The following CEP290 variants were observed in gnomAD, a reference collection of about 807,000 sequenced individuals.
CEP290 encodes the protein centrosomal protein 290.
Under a neutral mutation model 344.9 loss-of-function variants are expected in CEP290, and 317 were observed. The observed-to-expected ratio is 0.92, with a 90% confidence interval of 0.84 to 1.01. The LOEUF is 1.01. Ranked by LOEUF, CEP290 falls within the 50% of genes least tolerant of loss-of-function variation. CEP290 has a pLI of 0.00. For missense variants in CEP290, 2,754 were observed against 2,761.4 expected (o/e 1.00, Z 0.06); for synonymous variants, 932 against 895.8 (o/e 1.04, Z -0.72).
intron 52 of CEP290, among the ~76,000 whole-genome samples, chr12:88,053,268 C>A (rs368617253): frequency 6.6e-6 from 1 of 151,538 alleles, no homozygotes; most frequent in African/African-American, 2.4e-5. Flanking sequence ...ACTTTGTAAA[C>A]GGAAAAAAAT....
Position 88,120,254 on chromosome 12 carries a change from G to A in CEP290, c.1382C>T (p.Ala461Val), listed in dbSNP as rs1247193378. ...TTTACAATTCTTTATTTCAACGACA[G>A]CATCTTCTAAACCATATACTCCCTG... ...YESGVYGLED[A>V]VVEIKNCKNQ... The change falls in exon 15 of 54, where the codon GCT (alanine) becomes GTT (valine). Residue 461 changes from alanine (A) to valine (V), a missense_variant. Ala to Val is a moderately conservative substitution (Grantham distance 64). Coordinates refer to ENST00000552810, the MANE Select transcript of CEP290 (RefSeq NM_025114.4). 7 of 1,454,120 alleles carry A rather than the reference G, an allele frequency of 4.8e-6. No individual in the cohort carries two copies. In the East Asian group the frequency reaches 7.5e-5, roughly 16 times the overall value. 90.1% of individuals were successfully genotyped at this position (1,454,120 alleles called of 1,614,324 possible).
At chr12:88,065,600 T>C (rs1261195282) in intron 44 of CEP290, among the ~76,000 whole-genome samples, 8 of 152,324 alleles carry the variant, frequency 5.3e-5, no homozygotes, top group Middle Eastern at 6.8e-3. Context: ...TGAGCTCTTC[T>C]ATCTCCCAAA....
In CEP290 at chr12:88,054,277, T is replaced by C. The variant is rs986528414; in HGVS notation, c.7034+63A>G. On this transcript the variant is annotated intron_variant, in intron 51 of 53. Transcript: ENST00000552810. Reference sequence around the variant, plus strand: ...TCTAGTTGTAGCAATTCGGAGTATATAAAAACTAATAATTTTTTTTTTAAA... The same window carrying C: ...TCTAGTTGTAGCAATTCGGAGTATACAAAAACTAATAATTTTTTTTTTAAA... 7.2e-6 allele frequency: 8 copies of C among 1,104,426 alleles called. No individual in the cohort carries two copies. In the Admixed American group the frequency reaches 9.8e-5, roughly 14 times the overall value. 68.4% of individuals were successfully genotyped at this position (1,104,426 alleles called of 1,614,324 possible). A position where few individuals can be genotyped will look rare whatever the true frequency, so the allele number is the denominator to read the frequency against.
intron 29 of CEP290, among the ~76,000 whole-genome samples, chr12:88,091,666 T>A (rs1403693654): frequency 6.6e-6 from 1 of 152,096 alleles, no homozygotes; most frequent in South Asian, 2.1e-4. Flanking sequence ...GAAGAAAGGA[T>A]CAATTTTTTT....
chr12:88,118,622 TC>T lies in CEP290; in HGVS notation c.1623+20del. 1 of 1,611,276 alleles carries T rather than the reference TC, an allele frequency of 6.2e-7. No homozygotes were observed. The highest frequency in any genetic ancestry group is 1.1e-5 in the South Asian group (1 of 91,024). On this transcript the variant is annotated intron_variant, in intron 16 of 53. Transcript: ENST00000552810. ...CTCTATAGTTCAGCCAAGAAAATAA[TC>T]AACTGACTACCACACTTGCCTCTTT...
At chr12:88,063,872 T>C in intron 45 of CEP290, 109 bp downstream of exon 45, 1 of 862,394 alleles carries the variant, frequency 1.2e-6, no homozygotes, top group Admixed American at 3.1e-5. Context: ...CACCATGATA[T>C]ATTAGGAATA....
At chr12:88,117,251 A>G in intron 17 of CEP290, 106 bp from the exon 18 acceptor site, 1 of 594,944 alleles carries the variant, frequency 1.7e-6, no homozygotes, top group Non-Finnish European at 2.9e-6. Context: ...CAAAGGTAGA[A>G]TAATTGTTTC....
chr12:88,111,652 T>C (rs745459136), intron 21 of CEP290, 42 bp downstream of exon 21: 2 of 1,486,140 alleles, frequency 1.3e-6, no homozygotes. Flanking sequence ...TAAATCTACA[T>C]TCTTATGTTT....
rs188502327 is a variant in CEP290 at position 88,087,886 on chromosome 12, C to T, written c.4088G>A (p.Arg1363Gln). 2.6e-4 allele frequency: 314 copies of T among 1,227,678 alleles called. No individual in the cohort carries two copies. The highest frequency in any genetic ancestry group is 3.1e-4 in the Non-Finnish European group (298 of 959,078). 76.0% of individuals were successfully genotyped at this position (1,227,678 alleles called of 1,614,324 possible). Residue 1363 changes from arginine (R) to glutamine (Q), a missense_variant, in exon 32 of 54, where the codon CGG becomes CAG. Arg to Gln is a conservative substitution (Grantham distance 43). Transcript: ENST00000552810. ...TTCTTCTTTATCCTTGACTAATTCC[C>T]GATTTAGTTTAAGTTCTTGAAGACG... ...ELRLQELKLNRELVKDKEEIK... is the reference protein window; with the variant it reads ...ELRLQELKLNQELVKDKEEIK...
Position 88,080,310 on chromosome 12 carries a change from C to A in CEP290, c.5098G>T (p.Glu1700Ter). The A allele has an allele frequency of 6.2e-7, 1 of 1,613,702 alleles. No individual in the cohort carries two copies. The highest frequency in any genetic ancestry group is 8.5e-7 in the Non-Finnish European group (1 of 1,179,680). Residue 1700 changes from glutamate to a stop codon, truncating the protein, a stop_gained, in exon 38 of 54, where the codon GAG becomes TAG. Coordinates refer to ENST00000552810, the MANE Select transcript of CEP290 (RefSeq NM_025114.4). LOFTEE classifies it high-confidence loss of function. ...LKYLLDQSQK[E>*]SQCLKSELQA... ...AGTTCAGATTTTAAACACTGTGACTCCTTTTGTGACTGGTCCAGAAGATAC... is the reference window on the plus strand; with the variant it reads ...AGTTCAGATTTTAAACACTGTGACTACTTTTGTGACTGGTCCAGAAGATAC...
intron 37 of CEP290, among the ~76,000 whole-genome samples, chr12:88,082,433 C>T (rs2036261870): frequency 1.3e-5 from 2 of 152,176 alleles, no homozygotes; most frequent in African/African-American, 4.8e-5. Context: ...TGGCTCAGGC[C>T]TGTAATCCCA....
rs887505920 is a variant in CEP290, at chr12:88,060,825, A to T, written c.6522+5T>A. On this transcript the variant is annotated splice_donor_5th_base_variant and intron_variant, in intron 47 of 53. Transcript: ENST00000552810. ...CCTAAAAATGATCACATTAAAAAAA[A>T]TTACCTTCAATTTTTCATTTTCCTG... 2 of 1,514,674 alleles carry T rather than the reference A, an allele frequency of 1.3e-6. No individual in the cohort carries two copies. Among genetic ancestry groups the T allele is most frequent in the African/African-American group, 1.4e-5 (1 of 70,712 alleles). The allele number at this position is 1,514,674 out of a possible 1,614,324, so 93.8% of individuals were successfully genotyped here. A position where few individuals can be genotyped will look rare whatever the true frequency, so the allele number is the denominator to read the frequency against.
chr12:88,062,482 A>T (rs2034553551), intron 46 of CEP290, among the ~76,000 whole-genome samples: 1 of 152,214 alleles, frequency 6.6e-6, no homozygotes, highest in Admixed American at 6.5e-5. Context: ...CAATAAAAAG[A>T]GAGATGAAAG....
intron 18 of CEP290, chr12:88,116,143 T>A: frequency 1.4e-6 from 1 of 704,662 alleles, no homozygotes; most frequent in Non-Finnish European, 1.7e-6. Context: ...TGTACAAAAC[T>A]AGTCTTCTCT....
intron 52 of CEP290, among the ~76,000 whole-genome samples, chr12:88,053,319 A>G (rs1168464722): frequency 6.6e-6 from 1 of 152,192 alleles, no homozygotes. Context: ...AAAAATGTTC[A>G]GAGGACTTGA....
At chr12:88,098,081 T>A (rs1223290390) in intron 26 of CEP290, among the ~76,000 whole-genome samples, 58 of 128,432 alleles carry the variant, frequency 4.5e-4, no homozygotes, top group Middle Eastern at 6.3e-3. Flanking sequence ...CTGAGGTGGG[T>A]GGATCACTTG....
chr12:88,130,615 A>T, intron 7 of CEP290, 50 bp from the exon 8 acceptor site: 1 of 1,453,092 alleles, frequency 6.9e-7, no homozygotes, highest in Non-Finnish European at 9.1e-7. Flanking sequence ...AAGGTAATAC[A>T]TAATTAAAAA....
intron 5 of CEP290, among the ~76,000 whole-genome samples, chr12:88,137,892 T>C (rs1201340704): frequency 6.6e-6 from 1 of 152,160 alleles, no homozygotes; most frequent in Non-Finnish European, 1.5e-5. Flanking sequence ...TCACAAAATA[T>C]CCTGCTCTCC....
intron 26 of CEP290, among the ~76,000 whole-genome samples, chr12:88,098,648 CAG>C (rs1005157842): frequency 5.9e-5 from 9 of 151,514 alleles, no homozygotes; most frequent in African/African-American, 2.2e-4. Flanking sequence ...AAAATAAAAA[CAG>C]AGTACTGAGC....
Sources: allele counts gnomAD v4.1 joint callset (sites outside exome capture counted in the v4.1 genomes callset), GRCh38; gene constraint gnomAD v4.1.1; transcripts MANE v1.5; gene names NCBI Gene and HGNC (gene_info 2026-07-23, HGNC 2026-07-21).